The following PPP2R5C variants were observed in gnomAD, a reference collection of about 807,000 sequenced individuals.
PPP2R5C encodes serine/threonine-protein phosphatase 2A 56 kDa regulatory subunit gamma isoform.
A neutral mutation model predicts 68.9 loss-of-function variants in PPP2R5C; 7 were observed. That is an observed-to-expected ratio of 0.10 (90% confidence interval 0.06 to 0.19). The LOEUF is 0.19. Ranked by LOEUF, PPP2R5C falls within the 10% of genes least tolerant of loss-of-function variation. The pLI is 1.00. For synonymous variants in PPP2R5C, 210 were observed against 222.2 expected (o/e 0.95, Z 0.49); for missense variants, 348 against 641.3 (o/e 0.54, Z 4.94).
At position 101,845,853 on chromosome 14, in the gene PPP2R5C, G is replaced by C. The variant is rs1334968104; in HGVS notation, c.95-10833G>C. ...GCTGGATAAACCACAGCATTGGAAC[G>C]TTATGGTGGACTGTGAGCCATGGGT... is the stretch of plus-strand genomic sequence containing the variant. On this transcript the variant is annotated intron_variant, in intron 1 of 13. Coordinates refer to ENST00000334743, the Ensembl canonical transcript of PPP2R5C. Among the ~76,000 whole-genome samples the C allele has an allele frequency of 5.9e-5, 9 of 152,296 alleles. No homozygotes were observed. The South Asian group carries it at 1.9e-3, about 32-fold the overall frequency.
chr14:101,890,021 T>C, intron 5 of PPP2R5C: 5 of 658,240 alleles, frequency 7.6e-6, no homozygotes, highest in Non-Finnish European at 1.4e-5. Context: ...GAGAAAAAAA[T>C]TCGTGCAAGA....
At chr14:101,851,514 G>A (rs1746591) in intron 1 of PPP2R5C, among the ~76,000 whole-genome samples, 35,169 of 152,068 alleles carry the variant, frequency 0.23, 4,168 homozygotes, top group African/African-American at 0.27. Context: ...TTGAAACTTG[G>A]CTGCTTCAGC....
intron 2 of PPP2R5C, among the ~76,000 whole-genome samples, chr14:101,878,030 G>A (rs1386726354): frequency 1.3e-5 from 2 of 152,232 alleles, no homozygotes; most frequent in African/African-American, 4.8e-5. Context: ...ACTCAAGGGT[G>A]TAGCAGGGTT....
At chr14:101,860,637 G>A (rs554895692) in intron 2 of PPP2R5C, among the ~76,000 whole-genome samples, 4 of 152,164 alleles carry the variant, frequency 2.6e-5, no homozygotes, top group Non-Finnish European at 5.9e-5. Context: ...ACCATTTTAC[G>A]TTTGTATCAG....
At chr14:101,881,226 C>A (rs2044154441) in intron 2 of PPP2R5C, among the ~76,000 whole-genome samples, 1 of 151,854 alleles carries the variant, frequency 6.6e-6, no homozygotes, top group Non-Finnish European at 1.5e-5. Flanking sequence ...GTGGTGAAAT[C>A]CCATCTCTAC....
chr14:101,837,597 T>C (rs534010096), intron 1 of PPP2R5C, among the ~76,000 whole-genome samples: 8 of 152,210 alleles, frequency 5.3e-5, no homozygotes, highest in Non-Finnish European at 8.8e-5. Flanking sequence ...CAGGCATCCC[T>C]GGGAGTCCCT....
intron 12 of PPP2R5C, 35 bp downstream of exon 14, chr14:101,912,508 G>A (rs547073386): frequency 6.4e-7 from 1 of 1,573,612 alleles, no homozygotes; most frequent in South Asian, 1.2e-5. Flanking sequence ...AAACGCCCAG[G>A]GTTACTTGAA....
intron 13 of PPP2R5C, among the ~76,000 whole-genome samples, chr14:101,923,056 C>T (rs1209169570): frequency 2.0e-5 from 3 of 152,184 alleles, no homozygotes; most frequent in Non-Finnish European, 2.9e-5. Flanking sequence ...CTCCTGTGGT[C>T]CGCTCCGCCC....
intron 8 of PPP2R5C, among the ~76,000 whole-genome samples, chr14:101,897,261 G>T (rs1194822941): frequency 6.6e-6 from 1 of 151,958 alleles, no homozygotes; most frequent in Non-Finnish European, 1.5e-5. Context: ...GACATGTTTA[G>T]GTAGGAAAAA....
intron 2 of PPP2R5C, among the ~76,000 whole-genome samples, chr14:101,863,434 A>G (rs1342175892): frequency 6.6e-6 from 1 of 152,122 alleles, no homozygotes; most frequent in Admixed American, 6.5e-5. Flanking sequence ...TTTAATTTAT[A>G]ATATGGCCAA....
At chr14:101,833,198 T>C (rs924871555) in intron 1 of PPP2R5C, among the ~76,000 whole-genome samples, 4 of 152,094 alleles carry the variant, frequency 2.6e-5, no homozygotes, top group Admixed American at 1.3e-4. Flanking sequence ...CGCCCTGGAG[T>C]GTGGTCCAGG....
At chr14:101,890,006 A>G (rs2044761578) in intron 5 of PPP2R5C, 1 of 633,256 alleles carries the variant, frequency 1.6e-6, no homozygotes, top group African/African-American at 1.8e-5. Context: ...CCAAAATAAA[A>G]TATTGAGAAA....
chr14:101,900,666 G>A (rs1192671241), intron 8 of PPP2R5C, among the ~76,000 whole-genome samples: 4 of 152,188 alleles, frequency 2.6e-5, no homozygotes, highest in African/African-American at 9.7e-5. Context: ...ATTTTGTACT[G>A]GTATGATTGT....
At chr14:101,805,188 C>T (rs2039027097), upstream of PPP2R5C, among the ~76,000 whole-genome samples, 1 of 152,098 alleles carries the variant, frequency 6.6e-6, no homozygotes, top group Non-Finnish European at 1.5e-5. Context: ...GCCTCGGCCT[C>T]CTGAGTAGCT....
chr14:101,920,274 T>A (rs1228685627), intron 13 of PPP2R5C, among the ~76,000 whole-genome samples: 1 of 152,202 alleles, frequency 6.6e-6, no homozygotes, highest in Non-Finnish European at 1.5e-5. Context: ...GTCCAACTGC[T>A]TGGTCTGTCC....
In PPP2R5C at chr14:101,856,669, T is replaced by G; in HGVS notation, c.95-17T>G. 6.2e-7 allele frequency: 1 copy of G among 1,607,538 alleles called. No homozygotes were observed. Reference sequence around the variant, plus strand: ...AAGCACTTTTGTGATCAATATACTTTGCTTTCTGCTTTTCAGATGTTCCTC... The same window carrying G: ...AAGCACTTTTGTGATCAATATACTTGGCTTTCTGCTTTTCAGATGTTCCTC... On this transcript the variant is annotated splice_polypyrimidine_tract_variant and intron_variant, in intron 1 of 13. Transcript: ENST00000334743.
Position 101,797,043 on chromosome 14 carries a change from A to G in PPP2R5C, c.259+10860A>G, listed in dbSNP as rs1023184183. The stretch of plus-strand genomic sequence containing the variant: ...CCCATCACTACTATCTCTACCCAAA[A>G]CTTTTCATCATCCCCAACAAAAACT... On this transcript the variant is annotated intron_variant, in intron 3 of 14. Transcript: ENST00000328724. The surrounding 1 kb of genome is among the most constrained non-coding windows in gnomAD (Gnocchi z 4.2). 2 of 417,892 alleles carry G rather than the reference A, an allele frequency of 4.8e-6. No homozygotes were observed. The highest frequency in any genetic ancestry group is 4.1e-5 in the African/African-American group (2 of 49,364). 25.9% of individuals were successfully genotyped at this position (417,892 alleles called of 1,614,324 possible). A position where few individuals can be genotyped will look rare whatever the true frequency, so the allele number is the denominator to read the frequency against.
intron 8 of PPP2R5C, among the ~76,000 whole-genome samples, chr14:101,898,976 T>C (rs1020963486): frequency 6.6e-6 from 1 of 152,172 alleles, no homozygotes; most frequent in African/African-American, 2.4e-5. Context: ...CTCCCAGGCC[T>C]GCACCAAAGG....
intron 13 of PPP2R5C, among the ~76,000 whole-genome samples, chr14:101,918,211 T>C (rs1344688695): frequency 6.6e-6 from 1 of 152,016 alleles, no homozygotes; most frequent in Non-Finnish European, 1.5e-5. Flanking sequence ...AACTGTTCTT[T>C]AAATGTTCAC....
Sources: allele counts gnomAD v4.1 joint callset (sites outside exome capture counted in the v4.1 genomes callset), GRCh38; gene constraint gnomAD v4.1.1; non-coding constraint Gnocchi (gnomAD v3.1); transcripts MANE v1.5; gene names NCBI Gene and HGNC (gene_info 2026-07-23, HGNC 2026-07-21).